Variants in FUBP3 observed in about 807,000 individuals in gnomAD.
FUBP3 encodes the protein far upstream element-binding protein 3.
A neutral mutation model predicts 85.6 loss-of-function variants in FUBP3; 28 were observed. That is an observed-to-expected ratio of 0.33 (90% CI 0.24 to 0.45). The LOEUF (loss-of-function observed/expected upper bound fraction) is 0.45, where lower values mean the gene tolerates loss of function less well. Among genes scored for constraint, FUBP3 ranks in the 20% least tolerant of loss-of-function variants. The pLI is 1.00. For synonymous variants in FUBP3, 271 were observed against 271.4 expected, an observed-to-expected ratio of 1.00 and a Z score of 0.01; for missense variants, 583 against 755.1, an observed-to-expected ratio of 0.77 and a Z score of 2.67.
At chr9:130,630,465 T>C (rs1372789765) in intron 12 of FUBP3, among the ~76,000 whole-genome samples, 163 bp from the exon 13 acceptor site, 1 of 152,208 alleles carries the variant, frequency 6.6e-6, no homozygotes, top group East Asian at 1.9e-4. Context: ...CTGGGTTTAG[T>C]TGGAACCACT....
At chr9:130,590,712 T>C (rs1830587946) in intron 1 of FUBP3, among the ~76,000 whole-genome samples, 1 of 152,216 alleles carries the variant, frequency 6.6e-6, no homozygotes, top group Non-Finnish European at 1.5e-5. Flanking sequence ...TTGGGCTCTG[T>C]GCACTGGAAG....
chr9:130,628,591 C>T (rs1276187468), intron 12 of FUBP3, among the ~76,000 whole-genome samples: 1 of 152,122 alleles, frequency 6.6e-6, no homozygotes, highest in Non-Finnish European at 1.5e-5. Flanking sequence ...ATGAGGGGCC[C>T]AGTGGGGAGG....
At chr9:130,631,707 T>A in intron 14 of FUBP3, 77 bp downstream of exon 14, 1 of 1,214,884 alleles carries the variant, frequency 8.2e-7, no homozygotes, top group Non-Finnish European at 1.2e-6. Context: ...CAGCTACTTC[T>A]AGCGAGTGCC....
chr9:130,634,480 C>T (rs549908975), intron 16 of FUBP3, 187 bp from the exon 17 acceptor site: 5 of 588,240 alleles, frequency 8.5e-6, no homozygotes, highest in African/African-American at 7.5e-5. Context: ...CCCACCCTTA[C>T]AGTGATCTTA....
chr9:130,612,514 C>G lies in FUBP3; in HGVS notation c.274+9C>G. On this transcript the variant is annotated intron_variant, in intron 4 of 18. Transcript: ENST00000319725. The surrounding 1 kb of genome is among the most constrained non-coding windows in gnomAD (Gnocchi z 4.1). ...CAAAATGGTTGGATTTAGTAAGTAT[C>G]CATGTTGTCTACTTTTTCCCTGATT... is the stretch of plus-strand genomic sequence containing the variant. 1 of 1,526,440 alleles carries G rather than the reference C, an allele frequency of 6.6e-7. No homozygotes were observed. The highest frequency in any genetic ancestry group is 9.1e-7 in the Non-Finnish European group (1 of 1,101,578). The allele number at this position is 1,526,440 out of a possible 1,614,324, so 94.6% of individuals were successfully genotyped here.
intron 2 of FUBP3, among the ~76,000 whole-genome samples, chr9:130,606,023 T>G (rs1831413776): frequency 6.6e-6 from 1 of 152,202 alleles, no homozygotes; most frequent in Non-Finnish European, 1.5e-5. Flanking sequence ...ATTATTGAGA[T>G]AAACTTGAAT....
intron 16 of FUBP3, among the ~76,000 whole-genome samples, chr9:130,633,429 A>T (rs1398134783): frequency 6.6e-6 from 1 of 152,104 alleles, no homozygotes; most frequent in Non-Finnish European, 1.5e-5. Context: ...CCAGGCAGCA[A>T]GGTGGCCAGG....
intron 1 of FUBP3, among the ~76,000 whole-genome samples, chr9:130,587,065 T>G (rs375683848): frequency 0.017 from 2,017 of 120,456 alleles, 59 homozygotes; most frequent in African/African-American, 0.063. Flanking sequence ...GTTTTTTTTT[T>G]TTGTTTGTTT....
rs748530820 is a variant in FUBP3 at position 130,631,913 on chromosome 9, A to T, written c.1353-29A>T. ...ACGAGCCCTCTGTTGTGAGGCGCTC[A>T]GTCTGTTGTTTCTTTTACCTTTTCC... On this transcript the variant is annotated intron_variant, in intron 14 of 18. Coordinates refer to ENST00000319725, the MANE Select transcript of FUBP3 (RefSeq NM_003934.2). The T allele has an allele frequency of 6.6e-6, 10 of 1,523,758 alleles. No individual in the cohort carries two copies. In the African/African-American group the frequency reaches 1.1e-4, roughly 17 times the overall value. The allele number at this position is 1,523,758 out of a possible 1,614,324, so 94.4% of individuals were successfully genotyped here.
chr9:130,580,883 A>G (rs902669015), intron 1 of FUBP3: 2 of 152,302 alleles, frequency 1.3e-5, no homozygotes, highest in South Asian at 2.1e-4. Context: ...TTGTTACTTT[A>G]CTGCCTAGCT....
intron 11 of FUBP3, among the ~76,000 whole-genome samples, chr9:130,625,070 G>A (rs1301729777): frequency 1.3e-5 from 2 of 152,186 alleles, no homozygotes; most frequent in African/African-American, 2.4e-5. Flanking sequence ...TTAGCCGGGC[G>A]TGGTGGCGCA....
chr9:130,629,106 C>G (rs1830109696), intron 12 of FUBP3, among the ~76,000 whole-genome samples: 1 of 152,182 alleles, frequency 6.6e-6, no homozygotes, highest in Non-Finnish European at 1.5e-5. Context: ...AAAACATTGC[C>G]TAGGAGCCTG....
At position 130,620,184 on chromosome 9, in the gene FUBP3, A is replaced by G. The variant is rs149794633; in HGVS notation, c.667-170A>G. On this transcript the variant is annotated intron_variant, in intron 8 of 18. Transcript: ENST00000319725. ...GGCAGTGGAAAGAACACATCACTTA[A>G]GATACGATACACACATCCCCCTACA... Among the ~76,000 whole-genome samples the G allele has an allele frequency of 1.7e-3, 256 of 152,302 alleles. 2 individuals carry two copies. The highest frequency in any genetic ancestry group is 5.6e-3 in the African/African-American group (234 of 41,558).
chr9:130,589,694 TATATATA>T (rs1830516597), intron 1 of FUBP3, among the ~76,000 whole-genome samples: 1 of 32,008 alleles, frequency 3.1e-5, no homozygotes, highest in African/African-American at 1.2e-4. Context: ...TATATATATA[TATATATA>T]TATATTTTTT....
chr9:130,606,511 G>A (rs546584849), intron 2 of FUBP3, among the ~76,000 whole-genome samples: 7 of 152,266 alleles, frequency 4.6e-5, no homozygotes, highest in Non-Finnish European at 8.8e-5. Flanking sequence ...TGGGGTGGGA[G>A]TGGGGGTATA....
At chr9:130,619,077 A>G (rs1832163737) in intron 8 of FUBP3, among the ~76,000 whole-genome samples, 1 of 152,202 alleles carries the variant, frequency 6.6e-6, no homozygotes, top group Non-Finnish European at 1.5e-5. Context: ...CGTGGGCTCC[A>G]GTACTGTGAT....
intron 2 of FUBP3, among the ~76,000 whole-genome samples, chr9:130,607,489 T>C (rs566808873): frequency 3.5e-4 from 53 of 152,240 alleles, no homozygotes; most frequent in South Asian, 3.1e-3. Flanking sequence ...ACACCATTAG[T>C]GGAAACAGGA....
At chr9:130,590,855 A>G (rs931662297) in intron 1 of FUBP3, among the ~76,000 whole-genome samples, 4 of 152,104 alleles carry the variant, frequency 2.6e-5, no homozygotes, top group Non-Finnish European at 1.5e-5. Flanking sequence ...TGAAAATAGG[A>G]AATTAATGTT....
chr9:130,605,691 G>C (rs1831389488), intron 2 of FUBP3, among the ~76,000 whole-genome samples: 1 of 152,216 alleles, frequency 6.6e-6, no homozygotes, highest in Non-Finnish European at 1.5e-5. Flanking sequence ...ACAAGTAAGA[G>C]TGATGTGATT....
Sources: allele counts gnomAD v4.1 joint callset (sites outside exome capture counted in the v4.1 genomes callset), GRCh38; gene constraint gnomAD v4.1.1; non-coding constraint Gnocchi (gnomAD v3.1); transcripts MANE v1.5; gene names NCBI Gene and HGNC (gene_info 2026-07-23, HGNC 2026-07-21).